CTNNA2: variants seen among roughly 807,000 people sequenced by gnomAD.
CTNNA2 encodes catenin alpha 2.
In CTNNA2, 42 loss-of-function variants were observed where a neutral mutation model predicts 101.0. The observed-to-expected ratio is 0.42, with a 90% CI of 0.32 to 0.54. The LOEUF is 0.54. CTNNA2 is among the 20% of genes least tolerant of loss of function. The pLI is 0.14. For missense variants in CTNNA2, 871 were observed against 1,223.1 expected (o/e 0.71, Z 4.29); for synonymous variants, 450 against 456.4 (o/e 0.99, Z 0.18).
At chr2:79,503,258 C>A (rs1225544997) in intron 4 of CTNNA2, among the ~76,000 whole-genome samples, 2 of 152,126 alleles carry the variant, frequency 1.3e-5, no homozygotes, top group African/African-American at 4.8e-5. Context: ...AATTTCTCTT[C>A]TTATTTACTG....
At chr2:79,350,661 G>A (rs891537709) in intron 3 of CTNNA2, among the ~76,000 whole-genome samples, 1 of 152,084 alleles carries the variant, frequency 6.6e-6, no homozygotes, top group African/African-American at 2.4e-5. Context: ...CCACTAGTGG[G>A]CTTGCTGGGT....
intron 7 of CTNNA2, among the ~76,000 whole-genome samples, chr2:80,122,080 T>C: frequency 6.6e-6 from 1 of 152,196 alleles, no homozygotes; most frequent in East Asian, 1.9e-4. Context: ...TAAGAATCAC[T>C]CAGGACGCTT....
chr2:80,620,747 T>C (rs1298659775), intron 18 of CTNNA2, among the ~76,000 whole-genome samples: 2 of 151,926 alleles, frequency 1.3e-5, no homozygotes, highest in African/African-American at 4.8e-5. Flanking sequence ...AAATCTGATG[T>C]CTAATCATAG....
chr2:80,504,501 G>T (rs1278676749), intron 9 of CTNNA2, among the ~76,000 whole-genome samples: 1 of 152,052 alleles, frequency 6.6e-6, no homozygotes, highest in Non-Finnish European at 1.5e-5. Context: ...CTAGGGGAGG[G>T]GATTATACAG....
chr2:80,484,203 T>A (rs1686368572), intron 9 of CTNNA2, among the ~76,000 whole-genome samples: 1 of 152,132 alleles, frequency 6.6e-6, no homozygotes, highest in Admixed American at 6.5e-5. Context: ...ATGTGTGGAA[T>A]TCTGAATGCG....
chr2:80,470,297 T>C (rs533409379), intron 9 of CTNNA2, among the ~76,000 whole-genome samples: 3 of 152,182 alleles, frequency 2.0e-5, no homozygotes, highest in East Asian at 1.9e-4. Flanking sequence ...TGGGAAGAGG[T>C]TGGAGTTGCC....
At chr2:80,188,341 C>T (rs1706263686) in intron 7 of CTNNA2, among the ~76,000 whole-genome samples, 1 of 152,106 alleles carries the variant, frequency 6.6e-6, no homozygotes, top group African/African-American at 2.4e-5. Context: ...AAGCAAATTC[C>T]TCTGCCCATT....
chr2:80,110,591 A>G (rs1198067458), intron 7 of CTNNA2, among the ~76,000 whole-genome samples: 1 of 152,182 alleles, frequency 6.6e-6, no homozygotes, highest in Non-Finnish European at 1.5e-5. Flanking sequence ...TATAGCCTGT[A>G]GAGTTTAGCT....
chr2:79,875,407 A>G (rs1220388250), intron 6 of CTNNA2, among the ~76,000 whole-genome samples: 1 of 152,232 alleles, frequency 6.6e-6, no homozygotes, highest in Non-Finnish European at 1.5e-5. Context: ...AATGCACTAA[A>G]CACCATTTAA....
chr2:80,360,092 C>G (rs1287473271), intron 7 of CTNNA2, among the ~76,000 whole-genome samples: 1 of 151,990 alleles, frequency 6.6e-6, no homozygotes, highest in Non-Finnish European at 1.5e-5. Context: ...ATGTAGTGGT[C>G]TTAAACACCT....
At chr2:80,260,438 G>C (rs754212114) in intron 7 of CTNNA2, among the ~76,000 whole-genome samples, 13 of 152,224 alleles carry the variant, frequency 8.5e-5, no homozygotes, top group South Asian at 4.1e-4. Context: ...GGAGGGTCTG[G>C]GATGGTTTGA....
intron 7 of CTNNA2, among the ~76,000 whole-genome samples, chr2:79,956,850 T>TTTTCTTTTTTTTC (rs1558673549): frequency 2.9e-5 from 2 of 69,386 alleles, no homozygotes; most frequent in African/African-American, 9.4e-5. Flanking sequence ...TGGGTTTTTT[T>TTTTCTTTTTTTTC]TTTTTTTTTT....
rs1034065705 is a variant in CTNNA2 at position 79,447,502 on chromosome 2, G to T, written c.-134-57552G>T. 5.3e-5 allele frequency among the ~76,000 whole-genome samples: 8 copies of T among 152,164 alleles called. No individual in the cohort carries two copies. The East Asian group carries it at 1.4e-3, about 26-fold the overall frequency. ...AAAATATATGTGAAGGAGGTGTCCA[G>T]CCAAGAAACTGCCTAATGTACTGGA... On this transcript the variant is annotated intron_variant, in intron 4 of 21. Transcript: ENST00000466387.
chr2:80,574,975 C>T (rs1019597391), intron 13 of CTNNA2: 2 of 152,118 alleles, frequency 1.3e-5, no homozygotes, highest in African/African-American at 4.8e-5. Flanking sequence ...ACTTTTTGTT[C>T]ACCCACAAGG....
chr2:79,746,083 G>A (rs192286917), intron 3 of CTNNA2, among the ~76,000 whole-genome samples: 1 of 152,242 alleles, frequency 6.6e-6, no homozygotes, highest in Non-Finnish European at 1.5e-5. Flanking sequence ...GTTTTATTTT[G>A]TGAATTGTAT....
chr2:79,501,566 C>A (rs962754223), intron 4 of CTNNA2, among the ~76,000 whole-genome samples: 1 of 152,108 alleles, frequency 6.6e-6, no homozygotes, highest in East Asian at 1.9e-4. Flanking sequence ...TCTAATACTG[C>A]ACTAGATTGC....
At chr2:79,773,917 A>G (rs774084044) in intron 3 of CTNNA2, among the ~76,000 whole-genome samples, 3 of 152,096 alleles carry the variant, frequency 2.0e-5, no homozygotes, top group Non-Finnish European at 2.9e-5. Context: ...GTTAGTGTAA[A>G]ATCTTGGCTG....
At chr2:80,607,292 C>T (rs1019370067) in intron 16 of CTNNA2, among the ~76,000 whole-genome samples, 27 of 151,698 alleles carry the variant, frequency 1.8e-4, no homozygotes, top group Non-Finnish European at 4.0e-4. Context: ...AATTAAATGG[C>T]CTGGAAGTAG....
At chr2:80,104,291 C>T (rs928321038) in intron 7 of CTNNA2, among the ~76,000 whole-genome samples, 5 of 152,178 alleles carry the variant, frequency 3.3e-5, no homozygotes, top group Admixed American at 3.3e-4. Flanking sequence ...TTCTCCTATC[C>T]CTCTATCTTT....
Sources: allele counts gnomAD v4.1 joint callset (sites outside exome capture counted in the v4.1 genomes callset), GRCh38; gene constraint gnomAD v4.1.1; transcripts MANE v1.5; gene names NCBI Gene and HGNC (gene_info 2026-07-23, HGNC 2026-07-21).